The following NFATC2 variants were observed in gnomAD, a reference collection of about 807,000 sequenced individuals.
NFATC2 encodes nuclear factor of activated T-cells, cytoplasmic 2.
NFATC2 carries 22 observed loss-of-function variants against 87.3 expected under a neutral mutation model. The ratio of observed to expected loss-of-function variants is 0.25; its 90% CI spans 0.18 to 0.36. NFATC2 has a LOEUF of 0.36. Ranked by LOEUF, NFATC2 falls within the 10% of genes least tolerant of loss-of-function variation. The pLI, the probability that NFATC2 is intolerant of heterozygous loss-of-function variation, is 1.00. For synonymous variants in NFATC2, 565 were observed against 542.2 expected, an observed-to-expected ratio of 1.04 and a Z score of -0.58; for missense variants, 1,149 against 1,259.1, an observed-to-expected ratio of 0.91 and a Z score of 1.32.
At chr20:51,410,167 G>GCA (rs1978982716) in intron 9 of NFATC2, among the ~76,000 whole-genome samples, 1 of 131,168 alleles carries the variant, frequency 7.6e-6, no homozygotes, top group South Asian at 2.6e-4. Context: ...CCGAGATCAT[G>GCA]CCACTGCACT....
chr20:51,398,963 G>A (rs1987666674), intron 9 of NFATC2: 1 of 472,562 alleles, frequency 2.1e-6, no homozygotes, highest in Non-Finnish European at 3.8e-6. Flanking sequence ...TACATTATGT[G>A]GGGTGTGGGA....
At chr20:51,519,900 A>G (rs1407824482) in intron 2 of NFATC2, among the ~76,000 whole-genome samples, 2 of 150,728 alleles carry the variant, frequency 1.3e-5, no homozygotes, top group Non-Finnish European at 2.9e-5. Context: ...TGGGTGACAG[A>G]GCGAGACTCC....
At chr20:51,502,897 T>C (rs1418861760) in intron 3 of NFATC2, among the ~76,000 whole-genome samples, 1 of 152,144 alleles carries the variant, frequency 6.6e-6, no homozygotes, top group Non-Finnish European at 1.5e-5. Context: ...GTTAAATAAA[T>C]GATGTCAAGA....
chr20:51,489,767 C>T (rs1313500493), intron 3 of NFATC2, among the ~76,000 whole-genome samples: 1 of 152,254 alleles, frequency 6.6e-6, no homozygotes, highest in Non-Finnish European at 1.5e-5. Flanking sequence ...GATGATTCAA[C>T]TGCTCAGAAA....
intron 1 of NFATC2, among the ~76,000 whole-genome samples, chr20:51,527,152 C>T (rs1352419272): frequency 6.9e-6 from 1 of 144,120 alleles, no homozygotes; most frequent in Non-Finnish European, 1.5e-5. Flanking sequence ...CCTCCCACCT[C>T]AGCCTCCCAA....
chr20:51,459,926 C>A (rs936153785), intron 5 of NFATC2, among the ~76,000 whole-genome samples: 2 of 152,112 alleles, frequency 1.3e-5, no homozygotes, highest in Non-Finnish European at 2.9e-5. Flanking sequence ...AGTTCTGCAA[C>A]TACAGAGTAG....
At chr20:51,545,681 A>G (rs1338737680), upstream of NFATC2, among the ~76,000 whole-genome samples, 2 of 151,500 alleles carry the variant, frequency 1.3e-5, no homozygotes, top group Non-Finnish European at 2.9e-5. Flanking sequence ...TGGATGGAAG[A>G]TGGGTGGATG....
intron 6 of NFATC2, among the ~76,000 whole-genome samples, chr20:51,441,320 CT>C (rs1448690959): frequency 6.6e-5 from 10 of 151,792 alleles, no homozygotes; most frequent in African/African-American, 2.4e-4. Flanking sequence ...TTTTCTCAGC[CT>C]GATGTCACTC....
intron 2 of NFATC2, among the ~76,000 whole-genome samples, chr20:51,521,699 A>T (rs1457600024): frequency 6.6e-6 from 1 of 152,254 alleles, no homozygotes. Context: ...AACCACAGGG[A>T]TCGTGGTAAT....
At chr20:51,542,998 G>C (rs2076851124), upstream of NFATC2, among the ~76,000 whole-genome samples, 2 of 152,124 alleles carry the variant, frequency 1.3e-5, no homozygotes, top group Admixed American at 1.3e-4. Context: ...GAAAGCTGCC[G>C]CCACTAGGAC....
intron 9 of NFATC2, among the ~76,000 whole-genome samples, chr20:51,412,222 G>C (rs1031439844): frequency 6.6e-6 from 1 of 152,170 alleles, no homozygotes; most frequent in Non-Finnish European, 1.5e-5. Context: ...CCTGGCCAGA[G>C]CCTGTTTTGG....
intron 3 of NFATC2, among the ~76,000 whole-genome samples, chr20:51,515,939 T>C (rs757790539): frequency 1.3e-5 from 2 of 152,162 alleles, no homozygotes; most frequent in Non-Finnish European, 2.9e-5. Flanking sequence ...CCAAGTTTTA[T>C]CATATTAATA....
chr20:51,437,700 C>T (rs941832756), intron 6 of NFATC2, among the ~76,000 whole-genome samples: 2 of 152,286 alleles, frequency 1.3e-5, no homozygotes, highest in East Asian at 3.9e-4. Flanking sequence ...GACCTTACAG[C>T]GCAATTCCTG....
At chr20:51,460,637 T>C (rs1987042605) in intron 5 of NFATC2, among the ~76,000 whole-genome samples, 1 of 35,450 alleles carries the variant, frequency 2.8e-5, no homozygotes, top group African/African-American at 2.4e-4. Context: ...AGGTTTCTTC[T>C]TCTTTTTTTT....
intron 5 of NFATC2, among the ~76,000 whole-genome samples, chr20:51,460,105 T>C (rs1986987472): frequency 6.6e-6 from 1 of 152,232 alleles, no homozygotes; most frequent in Non-Finnish European, 1.5e-5. Flanking sequence ...ATGATGGTCT[T>C]TGCTATCGTT....
chr20:51,522,976 A>G, intron 2 of NFATC2, 105 bp downstream of exon 2: 1 of 1,468,708 alleles, frequency 6.8e-7, no homozygotes, highest in Non-Finnish European at 9.2e-7. Flanking sequence ...ATTTAAATCC[A>G]TTTAAAGTCA....
chr20:51,503,837 G>T (rs924764850), intron 3 of NFATC2, among the ~76,000 whole-genome samples: 1 of 152,086 alleles, frequency 6.6e-6, no homozygotes, highest in Non-Finnish European at 1.5e-5. Flanking sequence ...TGCTTGACCA[G>T]CCTGGATTTA....
Position 51,391,077 on chromosome 20 carries a change from T to C in NFATC2, c.*419A>G. The C allele has an allele frequency of 2.1e-6, 1 of 472,686 alleles. No individual in the cohort carries two copies. The allele number at this position is 472,686 out of a possible 1,614,324, so 29.3% of individuals were successfully genotyped here. A position where few individuals can be genotyped will look rare whatever the true frequency, so the allele number is the denominator to read the frequency against. ...CCATCCCCCCAAGCTCCAGTCACTC[T>C]GTTCTCAGGAGAGTTCCAGTGTCCT... On this transcript the variant is annotated 3_prime_UTR_variant, in exon 11 of 11. Coordinates refer to ENST00000371564, the MANE Select transcript of NFATC2 (RefSeq NM_012340.5).
Position 51,562,529 on chromosome 20 carries a change from A to C in NFATC2, c.70+31T>G. 6.5e-7 allele frequency: 1 copy of C among 1,528,208 alleles called. No homozygotes were observed. Among genetic ancestry groups the C allele is most frequent in the Non-Finnish European group, 8.9e-7 (1 of 1,128,406 alleles). 94.7% of individuals were successfully genotyped at this position (1,528,208 alleles called of 1,614,324 possible). A position where few individuals can be genotyped will look rare whatever the true frequency, so the allele number is the denominator to read the frequency against. On this transcript the variant is annotated intron_variant, in intron 1 of 10. Coordinates refer to the NFATC2 transcript ENST00000414705. This position sits in a 1 kb window ranked among gnomAD's most constrained non-coding sequence, Gnocchi z 5.8. ...GGAAAGGGCCGGGAGGAGCGAGCGGAAAAGGCTGGAAGGGATCGAGAGTCA... is the reference window on the plus strand; with the variant it reads ...GGAAAGGGCCGGGAGGAGCGAGCGGCAAAGGCTGGAAGGGATCGAGAGTCA...
Sources: allele counts gnomAD v4.1 joint callset (sites outside exome capture counted in the v4.1 genomes callset), GRCh38; gene constraint gnomAD v4.1.1; non-coding constraint Gnocchi (gnomAD v3.1); transcripts MANE v1.5; gene names NCBI Gene and HGNC (gene_info 2026-07-23, HGNC 2026-07-21).